The following ROS1 variants were observed in gnomAD, a reference collection of about 807,000 sequenced individuals.
ROS1 encodes ROS proto-oncogene 1, receptor tyrosine kinase.
ROS1 carries 263 observed loss-of-function variants against 273.5 expected under a neutral mutation model. The observed-to-expected ratio is 0.96, with a 90% CI of 0.87 to 1.06. ROS1 has a LOEUF of 1.06. Ranked by LOEUF, ROS1 falls within the 50% of genes least tolerant of loss-of-function variation. ROS1 has a pLI of 0.00. For missense variants in ROS1, 2,833 were observed against 2,751.1 expected (o/e 1.03, Z -0.67); for synonymous variants, 1,008 against 954.1 (o/e 1.06, Z -1.04).
At chr6:117,380,362 T>C in intron 17 of ROS1, among the ~76,000 whole-genome samples, 1 of 152,120 alleles carries the variant, frequency 6.6e-6, no homozygotes. Context: ...CCTTCGGTTG[T>C]CATACAAATC....
chr6:117,425,041 T>C (rs933738833), intron 1 of ROS1, among the ~76,000 whole-genome samples: 3 of 152,104 alleles, frequency 2.0e-5, no homozygotes, highest in Admixed American at 6.5e-5. Flanking sequence ...ACTAAAATAA[T>C]AAATGCACAA....
intron 16 of ROS1, among the ~76,000 whole-genome samples, chr6:117,383,905 G>T (rs572142606): frequency 2.8e-4 from 43 of 152,280 alleles, no homozygotes; most frequent in Middle Eastern, 3.4e-3. Context: ...TATCAGTGTA[G>T]TTCCCTAATA....
intron 7 of ROS1, 131 bp downstream of exon 7, chr6:117,403,008 G>T: frequency 1.0e-6 from 1 of 954,024 alleles, no homozygotes; most frequent in Non-Finnish European, 1.6e-6. Context: ...CTGGCACATA[G>T]TTATGTACCC....
rs769073391 is a variant in ROS1, at chr6:117,425,603, G to A, written c.54C>T (p.Gly18=). 3 of 1,612,488 alleles carry A rather than the reference G, an allele frequency of 1.9e-6. No homozygotes were observed. The South Asian group carries it at 3.3e-5, about 18-fold the overall frequency. The change falls in exon 1 of 44, where the codon GGC becomes GGT. Residue 18 remains glycine (G), a synonymous_variant. Coordinates refer to ENST00000368507, the MANE Select transcript of ROS1 (RefSeq NM_001378902.1). ...IPKLVNFATL[G]CLWISVVQCT... is the part of the protein sequence containing the mutation. The stretch of plus-strand genomic sequence containing the variant: ...ACTGCACCACAGAAATCCATAGGCA[G>A]CCAAGAGTTGCAAAATTGACAAGCT...
intron 18 of ROS1, among the ~76,000 whole-genome samples, chr6:117,374,527 A>G (rs1471856767): frequency 6.6e-6 from 1 of 152,240 alleles, no homozygotes; most frequent in Non-Finnish European, 1.5e-5. Flanking sequence ...ACAATTCTAG[A>G]AGATAACATC....
chr6:117,302,576 C>T (rs1250805882), intron 42 of ROS1, among the ~76,000 whole-genome samples: 1 of 152,220 alleles, frequency 6.6e-6, no homozygotes, highest in Non-Finnish European at 1.5e-5. Context: ...CTGTAGGATT[C>T]TTAGATGCTA....
At chr6:117,382,259 C>G (rs1385465408) in intron 17 of ROS1, among the ~76,000 whole-genome samples, 1 of 152,072 alleles carries the variant, frequency 6.6e-6, no homozygotes, top group Non-Finnish European at 1.5e-5. Flanking sequence ...AAATTTCCAT[C>G]TCTTTTAAAT....
At chr6:117,297,187 C>A (rs1018923996) in intron 43 of ROS1, among the ~76,000 whole-genome samples, 5 of 151,962 alleles carry the variant, frequency 3.3e-5, no homozygotes, top group African/African-American at 4.8e-5. Flanking sequence ...GAAACTGGAC[C>A]CTTACCCTCA....
In ROS1 at chr6:117,358,363, T is replaced by C. The variant is rs535617756; in HGVS notation, c.3634-354A>G. ...CCCACCCCAAAACCTCTTTTTCTCCTGCATTTTATATTTTTATGGATTTCC... is the reference window on the plus strand; with the variant it reads ...CCCACCCCAAAACCTCTTTTTCTCCCGCATTTTATATTTTTATGGATTTCC... On this transcript the variant is annotated intron_variant, in intron 24 of 43. Transcript: ENST00000368507. Among the ~76,000 whole-genome samples, 4 of 152,306 alleles carry C rather than the reference T, an allele frequency of 2.6e-5. No homozygotes were observed. The East Asian group carries it at 7.7e-4, about 29-fold the overall frequency.
intron 21 of ROS1, among the ~76,000 whole-genome samples, chr6:117,363,669 T>G (rs1174596771): frequency 6.6e-6 from 1 of 152,148 alleles, no homozygotes; most frequent in Non-Finnish European, 1.5e-5. Flanking sequence ...TCTTTCAGAG[T>G]GCACTAAAGT....
At chr6:117,360,286 A>ACACT (rs1554236482) in intron 23 of ROS1, 56 bp downstream of exon 23, 5 of 1,336,782 alleles carry the variant, frequency 3.7e-6, no homozygotes, top group Non-Finnish European at 3.2e-6. Flanking sequence ...ACACACACAC[A>ACACT]CACACACACA....
chr6:117,352,624 A>G (rs939918926), intron 27 of ROS1, among the ~76,000 whole-genome samples: 16 of 152,196 alleles, frequency 1.1e-4, no homozygotes, highest in African/African-American at 3.6e-4. Flanking sequence ...TACCTTGAAA[A>G]CAAGGTTGTA....
chr6:117,385,573 T>C (rs1772499822), intron 16 of ROS1, 110 bp downstream of exon 16: 1 of 888,558 alleles, frequency 1.1e-6, no homozygotes, highest in Admixed American at 2.4e-5. Context: ...AAATAAATAA[T>C]AGCATAAGTG....
intron 1 of ROS1, among the ~76,000 whole-genome samples, chr6:117,421,636 A>G (rs1325468110): frequency 6.6e-6 from 1 of 152,142 alleles, no homozygotes; most frequent in East Asian, 1.9e-4. Flanking sequence ...TGGTGTATAT[A>G]TATCACATTT....
At chr6:117,298,155 T>C (rs1682282789) in intron 43 of ROS1, among the ~76,000 whole-genome samples, 1 of 150,626 alleles carries the variant, frequency 6.6e-6, no homozygotes, top group South Asian at 2.1e-4. Context: ...ATCAGTAGGA[T>C]TGAAACAATG....
intron 32 of ROS1, 35 bp from the exon 33 acceptor site, chr6:117,329,481 T>A (rs752639687): frequency 5.2e-6 from 5 of 956,916 alleles, no homozygotes. Context: ...GGTTGATATG[T>A]TTGAAGTATT....
chr6:117,288,881 A>G, intron 43 of ROS1, 79 bp from the exon 44 acceptor site: 3 of 1,135,320 alleles, frequency 2.6e-6, no homozygotes, highest in Non-Finnish European at 3.7e-6. Flanking sequence ...TATCAGAATT[A>G]TAGCAACACC....
chr6:117,298,077 G>A (rs373728794), intron 43 of ROS1, among the ~76,000 whole-genome samples: 2 of 152,134 alleles, frequency 1.3e-5, no homozygotes, highest in East Asian at 1.9e-4. Flanking sequence ...CAACATGGAT[G>A]AAACTGGAGG....
At chr6:117,291,271 T>C (rs557593999) in intron 43 of ROS1, among the ~76,000 whole-genome samples, 1 of 152,228 alleles carries the variant, frequency 6.6e-6, no homozygotes, top group East Asian at 1.9e-4. Context: ...AGTTTGATGA[T>C]ATTCCCTGTT....
Sources: gnomAD v4.1 joint callset for allele counts (sites outside exome capture counted in the v4.1 genomes callset) on GRCh38, gnomAD v4.1.1 for gene constraint, MANE v1.5 for transcripts, NCBI Gene and HGNC (gene_info 2026-07-23, HGNC 2026-07-21) for gene names.